SLC22A25: variants seen among roughly 807,000 people sequenced by gnomAD.
The protein encoded by SLC22A25 is solute carrier family 22 member 25.
Under a neutral mutation model 45.9 loss-of-function variants are expected in SLC22A25, and 44 were observed. The observed-to-expected ratio is 0.96, with a 90% CI of 0.75 to 1.23. The LOEUF is 1.23. Ranked by LOEUF, SLC22A25 falls within the 50% of genes most tolerant of loss-of-function variation. The probability of loss-of-function intolerance (pLI) is 0.00; values close to 1 mark genes in which losing one functional copy is unlikely to be tolerated. For missense variants in SLC22A25, 800 were observed against 666.4 expected, an observed-to-expected ratio of 1.20 and a Z score of -2.21; for synonymous variants, 283 against 238.6, an observed-to-expected ratio of 1.19 and a Z score of -1.72.
At chr11:63,171,239 T>C (rs2087873177) in intron 9 of SLC22A25, among the ~76,000 whole-genome samples, 1 of 152,184 alleles carries the variant, frequency 6.6e-6, no homozygotes, top group African/African-American at 2.4e-5. Flanking sequence ...GCGTTCCCTT[T>C]GAAAACTGGC....
chr11:63,179,531 G>A (rs1472850440), intron 9 of SLC22A25, among the ~76,000 whole-genome samples: 1 of 151,978 alleles, frequency 6.6e-6, no homozygotes, highest in African/African-American at 2.4e-5. Flanking sequence ...TGTTTTTCAG[G>A]AACTGGCAAT....
chr11:63,218,207 G>A, intron 5 of SLC22A25: 1 of 383,028 alleles, frequency 2.6e-6, no homozygotes, highest in Non-Finnish European at 5.1e-6. Context: ...CAACATGGAT[G>A]CAGATGGAGG....
chr11:63,235,373 T>C (rs1405488296), intron 3 of SLC22A25, among the ~76,000 whole-genome samples: 1 of 152,216 alleles, frequency 6.6e-6, no homozygotes, highest in Non-Finnish European at 1.5e-5. Context: ...TAAACTTCTC[T>C]TCACGCTACA....
intron 5 of SLC22A25, among the ~76,000 whole-genome samples, chr11:63,227,692 C>G (rs2089989448): frequency 6.6e-6 from 1 of 152,200 alleles, no homozygotes; most frequent in African/African-American, 2.4e-5. Context: ...TGTCCACTGG[C>G]TCTTAGCCCA....
chr11:63,201,492 T>C (rs2089242494), intron 7 of SLC22A25, among the ~76,000 whole-genome samples: 2 of 152,194 alleles, frequency 1.3e-5, no homozygotes, highest in Admixed American at 1.3e-4. Flanking sequence ...ACTTACACCA[T>C]GTACAAAAAT....
At chr11:63,187,388 C>G (rs984346297) in intron 7 of SLC22A25, among the ~76,000 whole-genome samples, 1 of 151,980 alleles carries the variant, frequency 6.6e-6, no homozygotes, top group Non-Finnish European at 1.5e-5. Flanking sequence ...TTTTTGTGCA[C>G]TTATTTTATA....
At chr11:63,216,800 C>A (rs1204201728) in intron 7 of SLC22A25, among the ~76,000 whole-genome samples, 1 of 150,430 alleles carries the variant, frequency 6.6e-6, no homozygotes, top group African/African-American at 2.5e-5. Context: ...GCACATGTAC[C>A]CCTGAACTTA....
intron 7 of SLC22A25, among the ~76,000 whole-genome samples, chr11:63,193,346 C>A (rs1435007537): frequency 6.6e-6 from 1 of 152,178 alleles, no homozygotes; most frequent in African/African-American, 2.4e-5. Context: ...AAAGTGGGTC[C>A]CTGAACCCCG....
At chr11:63,231,087 C>T (rs561963190) in intron 3 of SLC22A25, among the ~76,000 whole-genome samples, 4 of 152,148 alleles carry the variant, frequency 2.6e-5, no homozygotes, top group African/African-American at 7.2e-5. Flanking sequence ...TCTTTGCTAT[C>T]GTGAATAGTG....
At chr11:63,177,902 G>GTATATATATAATATATATATATAATT (rs1215441714) in intron 9 of SLC22A25, among the ~76,000 whole-genome samples, 3 of 125,292 alleles carry the variant, frequency 2.4e-5, no homozygotes, top group East Asian at 2.3e-4. Flanking sequence ...TATATATAAT[G>GTATATATATAATATATATATATAATT]TATATCCCAT....
Position 63,187,312 on chromosome 11 carries a change from G to A in SLC22A25, c.831-3495C>T, listed in dbSNP as rs192309855. Reference sequence around the variant, plus strand: ...ATTTTATTCTCTTTGAAGCAGTTGCGAATGGGAGTTCACTCATGATTTGGC... The same window carrying A: ...ATTTTATTCTCTTTGAAGCAGTTGCAAATGGGAGTTCACTCATGATTTGGC... On this transcript the variant is annotated intron_variant, in intron 7 of 11. Transcript: ENST00000306494. Among the ~76,000 whole-genome samples the A allele has an allele frequency of 4.8e-3, 735 of 152,218 alleles. 10 individuals carry two copies. Among genetic ancestry groups the A allele is most frequent in the African/African-American group, 0.017 (690 of 41,534 alleles).
rs554504295 is a variant in SLC22A25 at position 63,188,834 on chromosome 11, GT to G, written c.831-5018del. Among the ~76,000 whole-genome samples, 6 of 152,300 alleles carry G rather than the reference GT, an allele frequency of 3.9e-5. No homozygotes were observed. In the East Asian group the frequency reaches 1.2e-3, roughly 29 times the overall value. ...TAGTCATTCAAAAGCAGGTTGTTCA[GT>G]TTCCATGTAGTTGAGTGGTTTTGAG... On this transcript the variant is annotated intron_variant, in intron 7 of 11. Transcript: ENST00000306494.
chr11:63,220,152 T>G, intron 5 of SLC22A25: 1 of 482,712 alleles, frequency 2.1e-6, no homozygotes, highest in South Asian at 2.0e-5. Context: ...TCTAAAAAGC[T>G]GTTTTTGCAA....
At chr11:63,187,126 T>G (rs1191675964) in intron 7 of SLC22A25, among the ~76,000 whole-genome samples, 1 of 152,208 alleles carries the variant, frequency 6.6e-6, no homozygotes, top group Non-Finnish European at 1.5e-5. Flanking sequence ...ATCTATCAAT[T>G]ACCTTGGGCA....
chr11:63,211,616 G>T (rs1413443419), intron 7 of SLC22A25, among the ~76,000 whole-genome samples: 1 of 152,160 alleles, frequency 6.6e-6, no homozygotes, highest in African/African-American at 2.4e-5. Context: ...CTAGCCATAT[G>T]TAGAAAGCTG....
chr11:63,213,309 G>A (rs2089626760), intron 7 of SLC22A25, among the ~76,000 whole-genome samples: 1 of 152,178 alleles, frequency 6.6e-6, no homozygotes, highest in African/African-American at 2.4e-5. Context: ...CCAGGCCCCA[G>A]CACTTGGGTT....
intron 5 of SLC22A25, chr11:63,219,890 G>T: frequency 7.8e-7 from 1 of 1,278,830 alleles, no homozygotes; most frequent in Non-Finnish European, 1.0e-6. Flanking sequence ...TCTTTTAAGT[G>T]TTACTTTTAC....
At chr11:63,197,857 A>G in intron 7 of SLC22A25, among the ~76,000 whole-genome samples, 1 of 151,558 alleles carries the variant, frequency 6.6e-6, no homozygotes, top group East Asian at 1.9e-4. Context: ...GAATCTACAA[A>G]GAACTTAAAT....
At chr11:63,241,897 T>C (rs1250708801) in intron 1 of SLC22A25, among the ~76,000 whole-genome samples, 1 of 152,190 alleles carries the variant, frequency 6.6e-6, no homozygotes, top group African/African-American at 2.4e-5. Flanking sequence ...ACTGAGATTG[T>C]AGCCCAGACA....
Sources: gnomAD v4.1 joint callset for allele counts (sites outside exome capture counted in the v4.1 genomes callset) on GRCh38, gnomAD v4.1.1 for gene constraint, MANE v1.5 for transcripts, NCBI Gene and HGNC (gene_info 2026-07-23, HGNC 2026-07-21) for gene names.